Variants in PAK4 observed in about 807,000 individuals in gnomAD.
PAK4 encodes the protein p21 (RAC1) activated kinase 4.
In PAK4, 49 loss-of-function variants were observed where a neutral mutation model predicts 53.5. The ratio of observed to expected loss-of-function variants is 0.92; its 90% CI spans 0.73 to 1.16. The LOEUF is 1.16. Among genes scored for constraint, PAK4 ranks in the 50% most tolerant of loss-of-function variants. PAK4 has a pLI of 0.00. For missense variants in PAK4, 824 were observed against 850.7 expected (o/e 0.97, Z 0.39); for synonymous variants, 376 against 375.6 (o/e 1.00, Z -0.01).
intron 1 of PAK4, among the ~76,000 whole-genome samples, chr19:39,133,919 A>T (rs888914707): frequency 6.7e-6 from 1 of 149,464 alleles, no homozygotes; most frequent in Non-Finnish European, 1.5e-5. Context: ...CACTGCGCCC[A>T]CAGTCACCGG....
At chr19:39,177,648 G>T (rs1430598575) in intron 7 of PAK4, 27 bp from the exon 9 acceptor site, 6 of 1,602,822 alleles carry the variant, frequency 3.7e-6, no homozygotes, top group Non-Finnish European at 5.1e-6. Context: ...CAACAGCTCA[G>T]CCCTGCTGTC....
intron 1 of PAK4, among the ~76,000 whole-genome samples, chr19:39,169,250 G>T (rs534801): frequency 9.9e-5 from 15 of 151,934 alleles, no homozygotes; most frequent in South Asian, 6.3e-4. Context: ...AGGTCTCCAG[G>T]GGGGGTGAGA....
At chr19:39,157,602 C>T (rs1272975798) in intron 1 of PAK4, among the ~76,000 whole-genome samples, 4 of 152,200 alleles carry the variant, frequency 2.6e-5, no homozygotes, top group African/African-American at 9.7e-5. Context: ...TCTGCTGGTG[C>T]CCCATATTCT....
chr19:39,155,376 G>A (rs2145205686), intron 1 of PAK4, among the ~76,000 whole-genome samples: 1 of 152,284 alleles, frequency 6.6e-6, no homozygotes, highest in Middle Eastern at 3.4e-3. Context: ...GGGTGCTCAG[G>A]GCTGGCATGG....
rs941413908 is a variant in PAK4 at position 39,168,228 on chromosome 19, A to G, written c.-22-1304A>G. ...AATGGATGCATTCCTCTCATTTTAC[A>G]GATGAGTAACCCGAAGCCCCTAGAG... On this transcript the variant is annotated intron_variant, in intron 1 of 8. Transcript: ENST00000358301. 6.6e-6 allele frequency: 1 copy of G among 152,284 alleles called. No individual in the cohort carries two copies. The highest frequency in any genetic ancestry group is 1.5e-5 in the Non-Finnish European group (1 of 68,062). 9.4% of individuals were successfully genotyped at this position (152,284 alleles called of 1,614,324 possible).
At chr19:39,160,544 CAA>C (rs2074267625) in intron 1 of PAK4, among the ~76,000 whole-genome samples, 1 of 152,112 alleles carries the variant, frequency 6.6e-6, no homozygotes, top group African/African-American at 2.4e-5. Flanking sequence ...ACCTGAATAT[CAA>C]GAAAGGCTGA....
chr19:39,175,853 A>G lies in PAK4; in HGVS notation c.1359+415A>G, dbSNP rs1390244740. Reference sequence around the variant, plus strand: ...GTGACAATTATAACGTCGGGTGGACATGATTTTCTGTGAGAGAGGGCCCTT... The same window carrying G: ...GTGACAATTATAACGTCGGGTGGACGTGATTTTCTGTGAGAGAGGGCCCTT... On this transcript the variant is annotated intron_variant, in intron 6 of 8. Transcript: ENST00000358301. The surrounding 1 kb of genome is among the most constrained non-coding windows in gnomAD (Gnocchi z 4.7). 1.3e-5 allele frequency among the ~76,000 whole-genome samples: 2 copies of G among 152,220 alleles called. No homozygotes were observed. Among genetic ancestry groups the G allele is most frequent in the Non-Finnish European group, 2.9e-5 (2 of 68,042 alleles).
intron 1 of PAK4, among the ~76,000 whole-genome samples, chr19:39,158,411 CT>C (rs1382414946): frequency 5.9e-5 from 9 of 152,152 alleles, no homozygotes; most frequent in Admixed American, 2.0e-4. Flanking sequence ...GTGCTGGAGC[CT>C]GAGAGGGGCA....
At chr19:39,160,277 G>A (rs544472015) in intron 1 of PAK4, among the ~76,000 whole-genome samples, 1 of 152,332 alleles carries the variant, frequency 6.6e-6, no homozygotes, top group East Asian at 1.9e-4. Flanking sequence ...CATTACTTTG[G>A]TAATGGCATC....
intron 2 of PAK4, among the ~76,000 whole-genome samples, chr19:39,171,596 G>T (rs2074480657): frequency 6.6e-6 from 1 of 152,232 alleles, no homozygotes; most frequent in African/African-American, 2.4e-5. Flanking sequence ...GACAGCCACG[G>T]CCAGGAGAGA....
chr19:39,126,736 C>A (rs754602076), intron 1 of PAK4, among the ~76,000 whole-genome samples: 6 of 152,170 alleles, frequency 3.9e-5, no homozygotes, highest in Non-Finnish European at 8.8e-5. Flanking sequence ...CCTCTCAAAT[C>A]ATCATAATGT....
intron 1 of PAK4, among the ~76,000 whole-genome samples, chr19:39,128,508 T>C (rs1341823790): frequency 2.0e-5 from 3 of 152,236 alleles, no homozygotes; most frequent in Non-Finnish European, 2.9e-5. Context: ...AGGATAGGGT[T>C]TGGGCATTGG....
chr19:39,173,828 G>C lies in PAK4; in HGVS notation c.916G>C (p.Ala306Pro). 1 of 1,612,408 alleles carries C rather than the reference G, an allele frequency of 6.2e-7. No homozygotes were observed. The highest frequency in any genetic ancestry group is 8.5e-7 in the Non-Finnish European group (1 of 1,179,778). The change falls in exon 4 of 9, where the codon GCT becomes CCT. Residue 306 changes from alanine to proline, a missense_variant. Around this residue, in one of 2 missense-constraint regions of PAK4, gnomAD observed 346 missense variants for 415.0 expected, o/e 0.83. Transcript: ENST00000358301. This position sits in a 1 kb window ranked among gnomAD's most constrained non-coding sequence, Gnocchi z 6.9. ...GCGAGTATCCCATGAGCAGTTCCGG[G>C]CTGCCCTGCAGCTGGTGGTGGACCC...
At position 39,178,415 on chromosome 19, in the gene PAK4, T is replaced by A. The variant is rs1273004681; in HGVS notation, c.1621-9T>A. The A allele has an allele frequency of 1.3e-6, 2 of 1,576,330 alleles. No homozygotes were observed. The highest frequency in any genetic ancestry group is 1.7e-6 in the Non-Finnish European group (2 of 1,161,866). ...CCTCGCCCCCTGACCCTCCCCTCCT[T>A]CTCGACAGGTGTCGCCATCCCTGAA... On this transcript the variant is annotated splice_polypyrimidine_tract_variant and intron_variant, in intron 8 of 8. Transcript: ENST00000358301. The surrounding 1 kb of genome is among the most constrained non-coding windows in gnomAD (Gnocchi z 4.4).
In PAK4 at chr19:39,126,151, G is replaced by A. The variant is rs556723731; in HGVS notation, c.-23+232G>A. Among the ~76,000 whole-genome samples the A allele has an allele frequency of 2.5e-4, 38 of 152,190 alleles. 1 individual carries two copies. In the South Asian group the frequency reaches 7.7e-3, roughly 31 times the overall value. ...GGGAGTGCAAAGTTTGAAATTCGAA[G>A]TGGGGGCGCGTTCGAGGGGTTCTGG... On this transcript the variant is annotated intron_variant, in intron 1 of 8. Coordinates refer to ENST00000358301, the Ensembl canonical transcript of PAK4.
intron 1 of PAK4, among the ~76,000 whole-genome samples, chr19:39,142,246 G>T (rs970295597): frequency 6.6e-6 from 1 of 152,162 alleles, no homozygotes; most frequent in Non-Finnish European, 1.5e-5. Context: ...ATACATCCTT[G>T]TGGTGTCATT....
At chr19:39,138,374 T>C (rs543996896) in intron 1 of PAK4, among the ~76,000 whole-genome samples, 11 of 152,346 alleles carry the variant, frequency 7.2e-5, no homozygotes, top group African/African-American at 2.6e-4. Context: ...CTTGACTTTT[T>C]GTAATTCCCT....
intron 1 of PAK4, among the ~76,000 whole-genome samples, chr19:39,133,850 C>A (rs16973211): frequency 6.6e-6 from 1 of 152,226 alleles, no homozygotes; most frequent in South Asian, 2.1e-4. Context: ...AGGCGGAAGG[C>A]GGCCGGTCTT....
chr19:39,177,416 C>T (rs2074628048), intron 7 of PAK4, among the ~76,000 whole-genome samples: 1 of 151,858 alleles, frequency 6.6e-6, no homozygotes, highest in Admixed American at 6.5e-5. Context: ...TGGATGCTAC[C>T]TGGGCTGAGG....
Sources: gnomAD v4.1 joint callset for allele counts (sites outside exome capture counted in the v4.1 genomes callset) on GRCh38, gnomAD v4.1.1 for gene constraint, gnomAD v4.1.1 regional missense constraint, Gnocchi (gnomAD v3.1) non-coding constraint, MANE v1.5 for transcripts, NCBI Gene and HGNC (gene_info 2026-07-23, HGNC 2026-07-21) for gene names.